Variants in PAMR1 observed in about 807,000 individuals in gnomAD.
PAMR1 encodes the protein inactive serine protease PAMR1.
PAMR1 carries 88 observed loss-of-function variants against 81.8 expected under a neutral mutation model. The ratio of observed to expected loss-of-function variants is 1.08; its 90% CI spans 0.91 to 1.28. The LOEUF (loss-of-function observed/expected upper bound fraction) is 1.28, where lower values mean the gene tolerates loss of function less well. PAMR1 is among the 50% of genes most tolerant of loss of function. PAMR1 has a pLI of 0.00. For missense variants in PAMR1, 935 were observed against 919.7 expected, an observed-to-expected ratio of 1.02 and a Z score of -0.21; for synonymous variants, 336 against 345.3, an observed-to-expected ratio of 0.97 and a Z score of 0.30.
intron 3 of PAMR1, among the ~76,000 whole-genome samples, chr11:35,476,765 G>A (rs1285293762): frequency 6.6e-6 from 1 of 151,992 alleles, no homozygotes; most frequent in Non-Finnish European, 1.5e-5. Context: ...GTTCTCCACT[G>A]TGCAGACACC....
chr11:35,499,490 T>A (rs1186559348), intron 1 of PAMR1, among the ~76,000 whole-genome samples: 5 of 152,192 alleles, frequency 3.3e-5, no homozygotes, highest in African/African-American at 1.2e-4. Flanking sequence ...TTTTATAAGA[T>A]TCTGTACATC....
chr11:35,518,478 G>A (rs182196318), intron 1 of PAMR1, among the ~76,000 whole-genome samples: 70 of 151,682 alleles, frequency 4.6e-4, no homozygotes, highest in African/African-American at 8.2e-4. Context: ...TATGCCTTAC[G>A]GGTGAGAGAT....
intron 5 of PAMR1, among the ~76,000 whole-genome samples, chr11:35,469,283 T>A (rs907973043): frequency 5.3e-5 from 8 of 152,162 alleles, no homozygotes; most frequent in African/African-American, 1.4e-4. Context: ...ACGGCATTGA[T>A]AAAACACAGG....
intron 1 of PAMR1, among the ~76,000 whole-genome samples, chr11:35,521,822 G>A (rs1851285567): frequency 6.6e-6 from 1 of 152,016 alleles, no homozygotes; most frequent in Non-Finnish European, 1.5e-5. Flanking sequence ...GCTCACCCTG[G>A]GCTCCACTAC....
intron 3 of PAMR1, among the ~76,000 whole-genome samples, chr11:35,481,572 G>A (rs1850392164): frequency 6.6e-6 from 1 of 152,050 alleles, no homozygotes; most frequent in Non-Finnish European, 1.5e-5. Context: ...GCCCAGGCTG[G>A]AGTGCAGTGG....
At chr11:35,446,717 A>G (rs1856300667) in intron 6 of PAMR1, among the ~76,000 whole-genome samples, 1 of 152,108 alleles carries the variant, frequency 6.6e-6, no homozygotes, top group Non-Finnish European at 1.5e-5. Flanking sequence ...TTATTATTTC[A>G]GTCCTTTTGC....
At chr11:35,434,144 G>A (rs115611971) in intron 10 of PAMR1, among the ~76,000 whole-genome samples, 1 of 152,116 alleles carries the variant, frequency 6.6e-6, no homozygotes, top group Non-Finnish European at 1.5e-5. Context: ...TTCAGGCAGA[G>A]CCAGCCATTA....
At chr11:35,479,990 C>T (rs1850355563) in intron 3 of PAMR1, among the ~76,000 whole-genome samples, 1 of 152,184 alleles carries the variant, frequency 6.6e-6, no homozygotes, top group South Asian at 2.1e-4. Flanking sequence ...GACAAGTCCT[C>T]AGCTCAGCCT....
At chr11:35,434,295 T>C (rs1855982320) in intron 10 of PAMR1, among the ~76,000 whole-genome samples, 1 of 152,106 alleles carries the variant, frequency 6.6e-6, no homozygotes, top group Non-Finnish European at 1.5e-5. Flanking sequence ...GCCTCTATCT[T>C]ATTTAAAAAA....
At position 35,494,277 on chromosome 11, in the gene PAMR1, A is replaced by C. The variant is rs1850682579; in HGVS notation, c.74-5T>G. On this transcript the variant is annotated splice_region_variant and splice_polypyrimidine_tract_variant and intron_variant, in intron 1 of 10. Transcript: ENST00000619888. ...CTTCATTAATGACTGTGTACTCTGA[A>C]ATGGAAAACCAGCAGGTGAGGCTAG... 2 of 1,613,166 alleles carry C rather than the reference A, an allele frequency of 1.2e-6. No individual in the cohort carries two copies. The highest frequency in any genetic ancestry group is 1.7e-6 in the Non-Finnish European group (2 of 1,179,482).
At chr11:35,474,450 T>C (rs1157144103) in intron 4 of PAMR1, among the ~76,000 whole-genome samples, 180 bp downstream of exon 4, 2 of 152,196 alleles carry the variant, frequency 1.3e-5, no homozygotes, top group African/African-American at 4.8e-5. Flanking sequence ...TCTAAAGTGT[T>C]GATGACAAGC....
At chr11:35,473,175 G>T (rs1850221715) in intron 4 of PAMR1, among the ~76,000 whole-genome samples, 1 of 152,150 alleles carries the variant, frequency 6.6e-6, no homozygotes, top group Admixed American at 6.5e-5. Context: ...GACACCTGCT[G>T]GGCTTTGGGG....
intron 8 of PAMR1, among the ~76,000 whole-genome samples, chr11:35,438,057 G>A (rs1856089299): frequency 6.6e-6 from 1 of 152,184 alleles, no homozygotes; most frequent in Admixed American, 6.5e-5. Context: ...CTAACAATAG[G>A]TGAGAAATCA....
intron 6 of PAMR1, chr11:35,453,218 T>G (rs1856456276): frequency 1.3e-5 from 2 of 152,230 alleles, no homozygotes; most frequent in African/African-American, 4.8e-5. Flanking sequence ...CCCAACTGCC[T>G]TTAAATGCCA....
chr11:35,436,279 C>T (rs1565324132), intron 8 of PAMR1, 144 bp from the exon 9 acceptor site: 1 of 614,902 alleles, frequency 1.6e-6, no homozygotes, highest in Non-Finnish European at 2.9e-6. Context: ...CTATCTCTCT[C>T]TCTGTCTGTC....
At chr11:35,523,970 G>A (rs560426163) in intron 1 of PAMR1, among the ~76,000 whole-genome samples, 2 of 152,170 alleles carry the variant, frequency 1.3e-5, no homozygotes, top group African/African-American at 4.8e-5. Context: ...AACTTTTATG[G>A]CTTTGAAGCG....
At chr11:35,437,379 C>T (rs1001601622) in intron 8 of PAMR1, among the ~76,000 whole-genome samples, 2 of 152,198 alleles carry the variant, frequency 1.3e-5, no homozygotes, top group African/African-American at 2.4e-5. Context: ...CCCTGGTGTC[C>T]CCCCAATACC....
At chr11:35,525,930 T>G, upstream of PAMR1, 1 of 322,628 alleles carries the variant, frequency 3.1e-6, no homozygotes, top group Non-Finnish European at 5.7e-6. Context: ...GGAGGGGCCA[T>G]AGGACCCTGG....
chr11:35,442,730 G>C (rs1173164346), intron 6 of PAMR1, among the ~76,000 whole-genome samples: 1 of 151,718 alleles, frequency 6.6e-6, no homozygotes, highest in Admixed American at 6.6e-5. Context: ...TCCCACCTTA[G>C]GCTACTGAGT....
Sources: allele counts gnomAD v4.1 joint callset (sites outside exome capture counted in the v4.1 genomes callset), GRCh38; gene constraint gnomAD v4.1.1; transcripts MANE v1.5; gene names NCBI Gene and HGNC (gene_info 2026-07-23, HGNC 2026-07-21).